GALNT2: variants seen among roughly 807,000 people sequenced by gnomAD.
GALNT2 encodes UDP-GalNAc:polypeptide N-acetylgalactosaminyltransferase 2.
Under a neutral mutation model 81.4 loss-of-function variants are expected in GALNT2, and 31 were observed. The observed-to-expected ratio is 0.38, with a 90% CI of 0.29 to 0.51. GALNT2 has a LOEUF of 0.51. GALNT2 is among the 20% of genes least tolerant of loss of function. GALNT2 has a pLI of 0.87. For synonymous variants in GALNT2, 303 were observed against 287.4 expected (o/e 1.05, Z -0.55); for missense variants, 629 against 765.7 (o/e 0.82, Z 2.11).
chr1:230,229,095 C>G (rs962947364), intron 3 of GALNT2, among the ~76,000 whole-genome samples: 4 of 152,082 alleles, frequency 2.6e-5, no homozygotes, highest in Middle Eastern at 3.4e-3. Flanking sequence ...ACATTGTTAC[C>G]CCAGGGTCAC....
intron 1 of GALNT2, among the ~76,000 whole-genome samples, chr1:230,080,730 C>T (rs1311349227): frequency 6.6e-6 from 1 of 152,118 alleles, no homozygotes; most frequent in Non-Finnish European, 1.5e-5. Flanking sequence ...CTGGCTTATC[C>T]AGTTAGCTCT....
At chr1:230,092,818 T>C (rs1409900128) in intron 1 of GALNT2, among the ~76,000 whole-genome samples, 1 of 152,064 alleles carries the variant, frequency 6.6e-6, no homozygotes, top group African/African-American at 2.4e-5. Flanking sequence ...AAATAAGAGT[T>C]TAAAAATCTG....
At chr1:230,245,230 G>A (rs1361446345) in intron 7 of GALNT2, among the ~76,000 whole-genome samples, 1 of 151,998 alleles carries the variant, frequency 6.6e-6, no homozygotes, top group Non-Finnish European at 1.5e-5. Context: ...TTGGGAGGCC[G>A]AGGCAGGCAG....
At position 230,112,386 on chromosome 1, in the gene GALNT2, G is replaced by T. The variant is rs970229350; in HGVS notation, c.126+44980G>T. Among the ~76,000 whole-genome samples, 10 of 151,254 alleles carry T rather than the reference G, an allele frequency of 6.6e-5. 1 individual carries two copies. The highest frequency in any genetic ancestry group is 2.1e-4 in the South Asian group (1 of 4,774). ...CTGCCTCCAGAGGCGCCGGGGGAGG[G>T]GGGGGGCCTGCATTTAGAGTGTGTG... On this transcript the variant is annotated intron_variant, in intron 1 of 15. Coordinates refer to ENST00000366672, the MANE Select transcript of GALNT2 (RefSeq NM_004481.5).
chr1:230,073,534 C>T (rs1459491123), intron 1 of GALNT2, among the ~76,000 whole-genome samples: 1 of 152,080 alleles, frequency 6.6e-6, no homozygotes, highest in African/African-American at 2.4e-5. Context: ...TAGTATGGGC[C>T]CCAGAAGCAT....
At chr1:230,073,431 TGCTCTAAGCAGGTG>T (rs1659435055) in intron 1 of GALNT2, among the ~76,000 whole-genome samples, 1 of 152,222 alleles carries the variant, frequency 6.6e-6, no homozygotes, top group Non-Finnish European at 1.5e-5. Flanking sequence ...TAGGGTTCCC[TGCTCTAAGCAGGTG>T]GCACTGTGCT....
At chr1:230,176,813 C>T (rs957539951) in intron 1 of GALNT2, among the ~76,000 whole-genome samples, 13 of 152,310 alleles carry the variant, frequency 8.5e-5, no homozygotes, top group Admixed American at 2.6e-4. Flanking sequence ...CAGCTGCATT[C>T]TAATACATTT....
rs1331737964 is a variant in GALNT2 at position 230,193,995 on chromosome 1, C to T, written c.221-9142C>T. On this transcript the variant is annotated intron_variant, in intron 2 of 15. Transcript: ENST00000366672. The surrounding 1 kb of genome is among the most constrained non-coding windows in gnomAD (Gnocchi z 4.3). ...CACTCTCTGCTCAAGGGACACTGTC[C>T]TGCTCTCCAGCCTCGATAAGATGGG... Among the ~76,000 whole-genome samples the T allele has an allele frequency of 6.6e-6, 1 of 152,202 alleles. No homozygotes were observed. The highest frequency in any genetic ancestry group is 2.4e-5 in the African/African-American group (1 of 41,456).
At chr1:230,162,015 A>C (rs1662451260) in intron 1 of GALNT2, among the ~76,000 whole-genome samples, 1 of 152,204 alleles carries the variant, frequency 6.6e-6, no homozygotes, top group Non-Finnish European at 1.5e-5. Context: ...AAGACTAACC[A>C]GCAAAATTCT....
chr1:230,105,602 C>T (rs1011281057), intron 1 of GALNT2, among the ~76,000 whole-genome samples: 1 of 152,152 alleles, frequency 6.6e-6, no homozygotes, highest in South Asian at 2.1e-4. Context: ...CTCTGTGTCC[C>T]ACCTTCTTCC....
In GALNT2 at chr1:230,160,574, C is replaced by T. The variant is rs538701360; in HGVS notation, c.127-17644C>T. On this transcript the variant is annotated intron_variant, in intron 1 of 15. Transcript: ENST00000366672. ...TAAAAATATAAAAAAATTAGCCGGT[C>T]GTGGTAGTGGGCGCCTGTAATCCCA... is the stretch of plus-strand genomic sequence containing the variant. 2.2e-4 allele frequency among the ~76,000 whole-genome samples: 33 copies of T among 152,132 alleles called. No individual in the cohort carries two copies. In the South Asian group the frequency reaches 6.2e-3, roughly 29 times the overall value.
intron 1 of GALNT2, among the ~76,000 whole-genome samples, chr1:230,077,345 T>G (rs1468172475): frequency 2.0e-5 from 3 of 152,200 alleles, no homozygotes. Flanking sequence ...TCTTCCTGTC[T>G]CACTTTTGAT....
chr1:230,243,399 T>C lies in GALNT2; in HGVS notation c.701T>C (p.Leu234Pro), dbSNP rs1665261920. Residue 234 changes from leucine (L) to proline (P), a missense_variant, in exon 7 of 16, where the codon CTG becomes CCG. By Grantham distance (98) the Leu-to-Pro change is moderately conservative. Transcript: ENST00000366672. The surrounding 1 kb of genome is among the most constrained non-coding windows in gnomAD (Gnocchi z 4.2). ...DSHCECNEHW[L>P]EPLLERVAED... The stretch of plus-strand genomic sequence containing the variant: ...CACTGCGAGTGTAATGAGCACTGGC[T>C]GGAGCCCCTCCTGGAAAGGGTGGCG... 3 of 1,612,484 alleles carry C rather than the reference T, an allele frequency of 1.9e-6. No individual in the cohort carries two copies. The highest frequency in any genetic ancestry group is 2.5e-6 in the Non-Finnish European group (3 of 1,179,870).
At chr1:230,253,330 G>C (rs1290227930) in intron 10 of GALNT2, among the ~76,000 whole-genome samples, 3 of 152,122 alleles carry the variant, frequency 2.0e-5, no homozygotes, top group African/African-American at 7.2e-5. Flanking sequence ...CTGGACCCAA[G>C]TAGAAACTCA....
At position 230,227,747 on chromosome 1, in the gene GALNT2, C is replaced by T. The variant is rs111232563; in HGVS notation, c.375-8267C>T. Among the ~76,000 whole-genome samples, 1,368 of 152,166 alleles carry T rather than the reference C, an allele frequency of 9.0e-3. 16 individuals are homozygous for T. The highest frequency in any genetic ancestry group is 0.03 in the African/African-American group (1,253 of 41,514). ...GGAGTTTCCTTCACCTGATGAAAGG[C>T]ATCTGTAAAACATCTATGGCAAACA... On this transcript the variant is annotated intron_variant, in intron 3 of 15. Transcript: ENST00000366672.
Position 230,279,527 on chromosome 1 carries a change from AT to A in GALNT2, c.*71del. 1 of 1,541,922 alleles carries A rather than the reference AT, an allele frequency of 6.5e-7. No individual in the cohort carries two copies. The highest frequency in any genetic ancestry group is 8.8e-7 in the Non-Finnish European group (1 of 1,137,902). On this transcript the variant is annotated 3_prime_UTR_variant, in exon 16 of 16. Coordinates refer to ENST00000366672, the MANE Select transcript of GALNT2 (RefSeq NM_004481.5). The surrounding 1 kb of genome is among the most constrained non-coding windows in gnomAD (Gnocchi z 4.6). ...GTGGAGTCTGGTGATCACATTATTG[AT>A]TATGTTTCTTAAACTTTCCGCGAAA...
chr1:230,186,103 C>T (rs1260436171), intron 2 of GALNT2, among the ~76,000 whole-genome samples: 3 of 152,224 alleles, frequency 2.0e-5, no homozygotes, highest in Non-Finnish European at 4.4e-5. Flanking sequence ...CTTTCAAGCT[C>T]CTTACATGCC....
chr1:230,069,291 G>GT (rs560142301), intron 1 of GALNT2, among the ~76,000 whole-genome samples: 213 of 151,212 alleles, frequency 1.4e-3, no homozygotes, highest in Non-Finnish European at 2.0e-3. Context: ...GTTTTGTTTT[G>GT]TTTTTTTTAA....
rs776576777 is a variant in GALNT2 at position 230,253,704 on chromosome 1, TC to T, written c.1010-1512del. 5.9e-5 allele frequency among the ~76,000 whole-genome samples: 9 copies of T among 152,144 alleles called. No homozygotes were observed. In the South Asian group the frequency reaches 1.2e-3, roughly 21 times the overall value. ...GTGTTGGGAACATTCAGTATCCTCC[TC>T]CTGGTTATTTGAAACTCTGTATATA... On this transcript the variant is annotated intron_variant, in intron 10 of 15. Transcript: ENST00000366672.
Sources: gnomAD v4.1 joint callset for allele counts (sites outside exome capture counted in the v4.1 genomes callset) on GRCh38, gnomAD v4.1.1 for gene constraint, Gnocchi (gnomAD v3.1) non-coding constraint, MANE v1.5 for transcripts, NCBI Gene and HGNC (gene_info 2026-07-23, HGNC 2026-07-21) for gene names.